PCDHGA3: variants seen among roughly 807,000 people sequenced by gnomAD.
PCDHGA3 encodes the protein protocadherin gamma-A3.
Under a neutral mutation model 58.5 loss-of-function variants are expected in PCDHGA3, and 40 were observed. That is an observed-to-expected ratio of 0.68 (90% CI 0.53 to 0.89). The LOEUF is 0.89. Ranked by LOEUF, PCDHGA3 falls within the 40% of genes least tolerant of loss-of-function variation. The probability of loss-of-function intolerance (pLI) is 0.00; values close to 1 mark genes in which losing one functional copy is unlikely to be tolerated. For missense variants in PCDHGA3, 1,223 were observed against 1,195.9 expected, an observed-to-expected ratio of 1.02 and a Z score of -0.33; for synonymous variants, 530 against 525.7, an observed-to-expected ratio of 1.01 and a Z score of -0.11.
Position 141,399,560 on chromosome 5 carries a change from G to A in PCDHGA3, c.2424+53103G>A, listed in dbSNP as rs1354621756. The A allele has an allele frequency of 6.8e-6, 11 of 1,613,906 alleles. No homozygotes were observed. The Admixed American group carries it at 1.3e-4, about 20-fold the overall frequency. ...GTCTGCGCCTCGGACCTGGACTTGG[G>A]GTTGAACGGCCAAGTCTCCTACTCT... is the stretch of plus-strand genomic sequence containing the variant. On this transcript the variant is annotated intron_variant, in intron 1 of 3. Coordinates refer to ENST00000253812, the MANE Select transcript of PCDHGA3 (RefSeq NM_018916.4).
In PCDHGA3 at chr5:141,382,630, A is replaced by G. The variant is rs142649877; in HGVS notation, c.2424+36173A>G. ...TGAAATCAGTGTATTGTGTGCATCA[A>G]TGTGGTGCAGTAACTTAGTAAGGAC... On this transcript the variant is annotated intron_variant, in intron 1 of 3. Coordinates refer to ENST00000253812, the MANE Select transcript of PCDHGA3 (RefSeq NM_018916.4). The G allele has an allele frequency of 1.3e-4, 49 of 364,976 alleles. 1 individual carries two copies. Among genetic ancestry groups the G allele is most frequent in the Middle Eastern group, 7.2e-4 (1 of 1,388 alleles). 22.6% of individuals were successfully genotyped at this position (364,976 alleles called of 1,614,324 possible). A position where few individuals can be genotyped will look rare whatever the true frequency, so the allele number is the denominator to read the frequency against.
At chr5:141,381,556 T>G (rs1777268817) in intron 1 of PCDHGA3, among the ~76,000 whole-genome samples, 1 of 152,200 alleles carries the variant, frequency 6.6e-6, no homozygotes, top group Admixed American at 6.5e-5. Context: ...TGAATTGAAT[T>G]GCATAATGAA....
chr5:141,393,263 A>G, intron 1 of PCDHGA3: 2 of 1,613,926 alleles, frequency 1.2e-6, no homozygotes, highest in Non-Finnish European at 1.7e-6. Context: ...TTCCTGGAGC[A>G]CGTTATCCAC....
intron 1 of PCDHGA3, among the ~76,000 whole-genome samples, chr5:141,443,477 C>T (rs1279226136): frequency 6.6e-6 from 1 of 152,116 alleles, no homozygotes; most frequent in Non-Finnish European, 1.5e-5. Flanking sequence ...CAGAATTAGA[C>T]CCTGTCCCAA....
At chr5:141,350,573 AC>A (rs1192655993) in intron 1 of PCDHGA3, 2 of 1,614,016 alleles carry the variant, frequency 1.2e-6, no homozygotes, top group Non-Finnish European at 1.7e-6. Flanking sequence ...AGAATTCGAA[AC>A]GGTCGCTGAA....
chr5:141,486,730 T>G lies in PCDHGA3; in HGVS notation c.2425-8077T>G, dbSNP rs775081505. On this transcript the variant is annotated intron_variant, in intron 1 of 3. Coordinates refer to ENST00000253812, the MANE Select transcript of PCDHGA3 (RefSeq NM_018916.4). This position sits in a 1 kb window ranked among gnomAD's most constrained non-coding sequence, Gnocchi z 5.0. ...ACCCCCAGACAGGAGCTGTTCATGC[T>G]ACTCGATCCTTTGACTATGAGCAAA... is the stretch of plus-strand genomic sequence containing the variant. 6.2e-7 allele frequency: 1 copy of G among 1,614,238 alleles called. No individual in the cohort carries two copies. The highest frequency in any genetic ancestry group is 8.5e-7 in the Non-Finnish European group (1 of 1,180,042).
At chr5:141,346,639 T>C (rs1187745248) in intron 1 of PCDHGA3, 182 bp downstream of exon 1, 7 of 887,352 alleles carry the variant, frequency 7.9e-6, no homozygotes, top group South Asian at 1.9e-5. Context: ...CTGGTTATGG[T>C]TGAGTGGGCT....
At chr5:141,395,121 T>C (rs773964445) in intron 1 of PCDHGA3, 1 of 1,614,192 alleles carries the variant, frequency 6.2e-7, no homozygotes, top group East Asian at 2.2e-5. Flanking sequence ...TCACCTGATC[T>C]TTCCCCAGCC....
chr5:141,388,394 C>G lies in PCDHGA3; in HGVS notation c.2424+41937C>G, dbSNP rs371227077. 5 of 1,613,846 alleles carry G rather than the reference C, an allele frequency of 3.1e-6. No individual in the cohort carries two copies. In the African/African-American group the frequency reaches 4.0e-5, roughly 13 times the overall value. ...TTGGTAGCAACACACTGCAGAATTA[C>G]CAACTCAGTCCCAGTGATCATTTCT... On this transcript the variant is annotated intron_variant, in intron 1 of 3. Coordinates refer to ENST00000253812, the MANE Select transcript of PCDHGA3 (RefSeq NM_018916.4).
Position 141,418,795 on chromosome 5 carries a change from A to G in PCDHGA3, c.2424+72338A>G, listed in dbSNP as rs373690093. The G allele has an allele frequency of 6.8e-6, 11 of 1,613,740 alleles. No homozygotes were observed. The African/African-American group carries it at 1.5e-4, about 22-fold the overall frequency. On this transcript the variant is annotated intron_variant, in intron 1 of 3. Transcript: ENST00000253812. Reference sequence around the variant, plus strand: ...AGCAGCCTTTGGATTTTGAAGAAGTAGAAAGATATACGATAAACATAGAAG... The same window carrying G: ...AGCAGCCTTTGGATTTTGAAGAAGTGGAAAGATATACGATAAACATAGAAG...
At position 141,364,381 on chromosome 5, in the gene PCDHGA3, C is replaced by A. The variant is rs1763293238; in HGVS notation, c.2424+17924C>A. On this transcript the variant is annotated intron_variant, in intron 1 of 3. Coordinates refer to ENST00000253812, the MANE Select transcript of PCDHGA3 (RefSeq NM_018916.4). ...GCTGCGGAGAGCTGCTGCTGCCCTTCATGCTCCTGGGGACGCTGTGCGAGC... is the reference window on the plus strand; with the variant it reads ...GCTGCGGAGAGCTGCTGCTGCCCTTAATGCTCCTGGGGACGCTGTGCGAGC... The A allele has an allele frequency of 1.9e-6, 3 of 1,581,268 alleles. No homozygotes were observed. In the South Asian group the frequency reaches 3.5e-5, roughly 18 times the overall value.
rs2099416627 is a variant in PCDHGA3 at position 141,477,726 on chromosome 5, C to T, written c.2425-17081C>T. 6.2e-7 allele frequency: 1 copy of T among 1,613,822 alleles called. No homozygotes were observed. The highest frequency in any genetic ancestry group is 8.5e-7 in the Non-Finnish European group (1 of 1,180,020). ...GATCGGCGGGAATTTGAATTAACAG[C>T]TCATATCAGCGATGGGGGCACCCCG... On this transcript the variant is annotated intron_variant, in intron 1 of 3. Coordinates refer to ENST00000253812, the MANE Select transcript of PCDHGA3 (RefSeq NM_018916.4). This position sits in a 1 kb window ranked among gnomAD's most constrained non-coding sequence, Gnocchi z 4.9.
intron 1 of PCDHGA3, chr5:141,400,270 T>G: frequency 6.2e-7 from 1 of 1,614,058 alleles, no homozygotes; most frequent in Non-Finnish European, 8.5e-7. Flanking sequence ...GCGACGCTCC[T>G]CCAGCCCTGC....
chr5:141,404,929 G>A (rs766845913), intron 1 of PCDHGA3: 46 of 1,613,744 alleles, frequency 2.9e-5, no homozygotes, highest in Admixed American at 2.3e-4. Flanking sequence ...CCACTGTCAC[G>A]CTCACAGTAG....
Position 141,352,079 on chromosome 5 carries a change from G to A in PCDHGA3, c.2424+5622G>A, listed in dbSNP as rs771260601. ...TTGGCTGTCCTACCACGTGCTGCAG[G>A]CCAGCGAGCCCGGGCTCTTCAGCCT... On this transcript the variant is annotated intron_variant, in intron 1 of 3. Coordinates refer to ENST00000253812, the MANE Select transcript of PCDHGA3 (RefSeq NM_018916.4). 3.1e-6 allele frequency: 5 copies of A among 1,604,962 alleles called. No individual in the cohort carries two copies. The Admixed American group carries it at 5.0e-5, about 16-fold the overall frequency.
intron 2 of PCDHGA3, among the ~76,000 whole-genome samples, chr5:141,501,751 C>G (rs188896150): frequency 1.4e-3 from 218 of 152,250 alleles, no homozygotes; most frequent in South Asian, 3.1e-3. Flanking sequence ...ATAGGAAGCT[C>G]TCAGTAAATG....
Position 141,403,914 on chromosome 5 carries a change from C to A in PCDHGA3, c.2424+57457C>A, listed in dbSNP as rs748975395. The A allele has an allele frequency of 1.3e-5, 21 of 1,613,662 alleles. No homozygotes were observed. Among genetic ancestry groups the A allele is most frequent in the South Asian group, 2.2e-5 (2 of 91,064 alleles). On this transcript the variant is annotated intron_variant, in intron 1 of 3. Coordinates refer to ENST00000253812, the MANE Select transcript of PCDHGA3 (RefSeq NM_018916.4). ...TCATTTTATGAAATGGAAATACAAG[C>A]TGAAGATGGTGGGGGATTGAAAGGG...
chr5:141,361,805 A>G, intron 1 of PCDHGA3: 1 of 1,613,138 alleles, frequency 6.2e-7, no homozygotes, highest in Non-Finnish European at 8.5e-7. Context: ...GACCTCAATG[A>G]CAATGCGCCA....
Position 141,432,394 on chromosome 5 carries a change from C to T in PCDHGA3, c.2425-62413C>T, listed in dbSNP as rs149830124. The T allele has an allele frequency of 1.7e-5, 27 of 1,614,260 alleles. No individual in the cohort carries two copies. The African/African-American group carries it at 2.7e-4, about 16-fold the overall frequency. On this transcript the variant is annotated intron_variant, in intron 1 of 3. Transcript: ENST00000253812. The surrounding 1 kb of genome is among the most constrained non-coding windows in gnomAD (Gnocchi z 6.0). ...ACGGGCACCCGCCCCTCAGCAGCAA[C>T]GTGTCGTTGAGCCTGTTCGTGCTGG...
Sources: allele counts gnomAD v4.1 joint callset (sites outside exome capture counted in the v4.1 genomes callset), GRCh38; gene constraint gnomAD v4.1.1; non-coding constraint Gnocchi (gnomAD v3.1); transcripts MANE v1.5; gene names NCBI Gene and HGNC (gene_info 2026-07-23, HGNC 2026-07-21).